NPEPL1: variants seen among roughly 807,000 people sequenced by gnomAD.
NPEPL1 encodes probable aminopeptidase NPEPL1.
In NPEPL1, 45 loss-of-function variants were observed where a neutral mutation model predicts 52.4. The ratio of observed to expected loss-of-function variants is 0.86; its 90% CI spans 0.68 to 1.10. The LOEUF is 1.10. Ranked by LOEUF, NPEPL1 falls within the 50% of genes least tolerant of loss-of-function variation. The pLI, the probability that NPEPL1 is intolerant of heterozygous loss-of-function variation, is 0.00. For synonymous variants in NPEPL1, 360 were observed against 314.7 expected, an observed-to-expected ratio of 1.14 and a Z score of -1.52; for missense variants, 696 against 710.9, an observed-to-expected ratio of 0.98 and a Z score of 0.24.
At chr20:58,689,269 CT>C (rs938932445), upstream of NPEPL1, 13 of 149,290 alleles carry the variant, frequency 8.7e-5, no homozygotes, top group African/African-American at 9.8e-5. Flanking sequence ...CTTTTTCTTT[CT>C]TTTTTTTTTG....
chr20:58,715,028 C>A, intron 11 of NPEPL1, 140 bp from the exon 12 acceptor site: 1 of 984,564 alleles, frequency 1.0e-6, no homozygotes, highest in South Asian at 1.7e-5. Context: ...GCTCTGGGCT[C>A]CGGCTGGTGC....
chr20:58,713,447 C>T lies in NPEPL1; in HGVS notation c.1029C>T (p.Ala343=), dbSNP rs374673285. Reference sequence around the variant, plus strand: ...CGGTGGAAATCAACAACACGGATGCCGAGGGCAGGCTGGTGCTGGCAGATG... The same window carrying T: ...CGGTGGAAATCAACAACACGGATGCTGAGGGCAGGCTGGTGCTGGCAGATG... The part of the protein sequence containing the change: ...GKTVEINNTD[A]EGRLVLADGV... The change falls in exon 9 of 12, where the codon GCC becomes GCT. Residue 343 remains alanine, a synonymous_variant. Coordinates refer to ENST00000356091, the MANE Select transcript of NPEPL1 (RefSeq NM_024663.4). This position sits in a 1 kb window ranked among gnomAD's most constrained non-coding sequence, Gnocchi z 4.6. 6.2e-6 allele frequency: 10 copies of T among 1,609,578 alleles called. No individual in the cohort carries two copies. The highest frequency in any genetic ancestry group is 4.5e-5 in the East Asian group (2 of 44,706).
chr20:58,713,081 C>T lies in NPEPL1; in HGVS notation c.1002-339C>T. 1 of 364,420 alleles carries T rather than the reference C, an allele frequency of 2.7e-6. No individual in the cohort carries two copies. Among genetic ancestry groups the T allele is most frequent in the South Asian group, 2.8e-5 (1 of 35,832 alleles). The allele number at this position is 364,420 out of a possible 1,614,324, so 22.6% of individuals were successfully genotyped here. ...CCCCGCATCTCCTGCTCTTCCTCCC[C>T]ATCTGCCGGGTGCCAGGCACAGTGT... is the stretch of plus-strand genomic sequence containing the variant. On this transcript the variant is annotated intron_variant, in intron 8 of 11. Transcript: ENST00000356091. The surrounding 1 kb of genome is among the most constrained non-coding windows in gnomAD (Gnocchi z 4.6).
chr20:58,701,491 G>A (rs1310249208), intron 6 of NPEPL1, among the ~76,000 whole-genome samples: 1 of 152,000 alleles, frequency 6.6e-6, no homozygotes, highest in Non-Finnish European at 1.5e-5. Context: ...GAGTGCGCAG[G>A]GCGGGTTCCC....
At chr20:58,699,502 C>G (rs924165987) in intron 5 of NPEPL1, among the ~76,000 whole-genome samples, 1 of 152,214 alleles carries the variant, frequency 6.6e-6, no homozygotes, top group African/African-American at 2.4e-5. Flanking sequence ...ATTCTGGAAG[C>G]TGCTAGATCC....
At chr20:58,707,786 C>T (rs929608535) in intron 7 of NPEPL1, among the ~76,000 whole-genome samples, 12 of 152,166 alleles carry the variant, frequency 7.9e-5, no homozygotes, top group African/African-American at 2.9e-4. Flanking sequence ...ATAAAAAGTG[C>T]TTATTAAACA....
At chr20:58,697,745 G>T (rs1403753555) in intron 3 of NPEPL1, among the ~76,000 whole-genome samples, 1 of 152,252 alleles carries the variant, frequency 6.6e-6, no homozygotes, top group Admixed American at 6.5e-5. Context: ...TGGGGAAGGG[G>T]TGCCCGCAGA....
intron 3 of NPEPL1, among the ~76,000 whole-genome samples, chr20:58,695,823 T>C (rs2084477144): frequency 6.6e-6 from 1 of 152,190 alleles, no homozygotes; most frequent in South Asian, 2.1e-4. Context: ...TCTTAACCCA[T>C]GGAGACAGAG....
At chr20:58,701,391 C>A (rs1601110313) in intron 6 of NPEPL1, among the ~76,000 whole-genome samples, 1 of 109,058 alleles carries the variant, frequency 9.2e-6, no homozygotes, top group East Asian at 2.5e-4. Context: ...GGGAGGGGCC[C>A]AGTTTGGGTC....
rs2084933808 is a variant in NPEPL1, at chr20:58,715,445, G to A, written c.*119G>A. On this transcript the variant is annotated 3_prime_UTR_variant, in exon 12 of 12. Transcript: ENST00000356091. ...TTGGTTTGTCTTTCTGGTCGTCAGC[G>A]TGGTGGTGGAAACAGCTGAAGTTTT... The A allele has an allele frequency of 8.8e-6, 10 of 1,139,064 alleles. No individual in the cohort carries two copies. The highest frequency in any genetic ancestry group is 2.5e-4 in the Middle Eastern group (1 of 4,064). The allele number at this position is 1,139,064 out of a possible 1,614,324, so 70.6% of individuals were successfully genotyped here.
At chr20:58,704,175 C>T (rs1006570679) in intron 6 of NPEPL1, 122 of 985,200 alleles carry the variant, frequency 1.2e-4, no homozygotes, top group Admixed American at 1.8e-4. Flanking sequence ...GAAACGCAGA[C>T]GCAACGCAGC....
chr20:58,708,739 C>T (rs1384898633), intron 7 of NPEPL1, among the ~76,000 whole-genome samples: 1 of 152,172 alleles, frequency 6.6e-6, no homozygotes, highest in African/African-American at 2.4e-5. Flanking sequence ...TTGCCTCTGC[C>T]CAGGCCCCGT....
At chr20:58,708,233 G>A (rs1455328176) in intron 7 of NPEPL1, among the ~76,000 whole-genome samples, 1 of 152,256 alleles carries the variant, frequency 6.6e-6, no homozygotes, top group African/African-American at 2.4e-5. Context: ...CCAATCTGGA[G>A]GGTCCTGCTC....
intron 7 of NPEPL1, among the ~76,000 whole-genome samples, 196 bp from the exon 8 acceptor site, chr20:58,712,283 C>T (rs185092850): frequency 2.0e-5 from 3 of 152,162 alleles, no homozygotes; most frequent in African/African-American, 7.2e-5. Context: ...GGCTAGGAAA[C>T]CCCAGTGGTG....
At chr20:58,705,763 T>G (rs2123125020) in intron 6 of NPEPL1, among the ~76,000 whole-genome samples, 1 of 152,318 alleles carries the variant, frequency 6.6e-6, no homozygotes, top group African/African-American at 2.4e-5. Flanking sequence ...GGGGGAGACA[T>G]GGTGTACAGT....
intron 3 of NPEPL1, 124 bp from the exon 4 acceptor site, chr20:58,698,560 T>G: frequency 1.2e-6 from 1 of 803,378 alleles, no homozygotes; most frequent in Non-Finnish European, 2.1e-6. Context: ...TCCCCTCTCT[T>G]TGCTGCCCTG....
intron 6 of NPEPL1, among the ~76,000 whole-genome samples, chr20:58,702,644 A>G (rs1260428368): frequency 6.6e-6 from 1 of 152,142 alleles, no homozygotes; most frequent in Non-Finnish European, 1.5e-5. Context: ...CACGTTTGAC[A>G]ATGGTTTCAT....
chr20:58,695,053 C>CTGTGTATGAGTGT (rs2084442536), intron 3 of NPEPL1, among the ~76,000 whole-genome samples: 2 of 14,394 alleles, frequency 1.4e-4, no homozygotes, highest in African/African-American at 2.5e-4. Flanking sequence ...TGTATGTTTG[C>CTGTGTATGAGTGT]TGGTGTGTGC....
At chr20:58,691,477 G>A (rs1242591391), upstream of NPEPL1, 9 of 671,628 alleles carry the variant, frequency 1.3e-5, no homozygotes, top group Non-Finnish European at 1.9e-5. Context: ...TCAGGATGCT[G>A]AAGCTCTAGT....
Sources: allele counts gnomAD v4.1 joint callset (sites outside exome capture counted in the v4.1 genomes callset), GRCh38; gene constraint gnomAD v4.1.1; non-coding constraint Gnocchi (gnomAD v3.1); transcripts MANE v1.5; gene names NCBI Gene and HGNC (gene_info 2026-07-23, HGNC 2026-07-21).